The following LPIN2 variants were observed in gnomAD, a reference collection of about 807,000 sequenced individuals.
LPIN2 encodes phosphatidate phosphatase LPIN2.
A neutral mutation model predicts 111.4 loss-of-function variants in LPIN2; 55 were observed. The ratio of observed to expected loss-of-function variants is 0.49; its 90% confidence interval spans 0.40 to 0.62. The LOEUF is 0.62. Ranked by LOEUF, LPIN2 falls within the 20% of genes least tolerant of loss-of-function variation. LPIN2 has a pLI of 0.00. For synonymous variants in LPIN2, 425 were observed against 414.0 expected (o/e 1.03, Z -0.32); for missense variants, 992 against 1,112.1 (o/e 0.89, Z 1.54).
intron 1 of LPIN2, chr18:2,985,552 G>C (rs1396963990): frequency 1.3e-5 from 2 of 151,884 alleles, no homozygotes; most frequent in Non-Finnish European, 2.9e-5. Flanking sequence ...TGCTAGTTAG[G>C]AAAAACAGAA....
chr18:2,974,417 T>TG (rs1405125028), intron 1 of LPIN2, among the ~76,000 whole-genome samples: 1 of 152,206 alleles, frequency 6.6e-6, no homozygotes, highest in Non-Finnish European at 1.5e-5. Flanking sequence ...TCAGTGTCCT[T>TG]GGGGGAGCCT....
chr18:2,930,962 A>T (rs1303981592), intron 9 of LPIN2, among the ~76,000 whole-genome samples: 3 of 152,184 alleles, frequency 2.0e-5, no homozygotes, highest in Non-Finnish European at 4.4e-5. Context: ...AAACTGGTGC[A>T]GTGTGATGAT....
intron 11 of LPIN2, 97 bp from the exon 12 acceptor site, chr18:2,927,908 G>C (rs1251473454): frequency 1.0e-6 from 1 of 983,274 alleles, no homozygotes; most frequent in Non-Finnish European, 1.6e-6. Flanking sequence ...ACTATGGAAT[G>C]TGAGAACGTG....
Position 2,951,076 on chromosome 18 carries a change from T to A in LPIN2, c.569A>T (p.Asp190Val). Residue 190 changes from aspartate (D) to valine (V), a missense_variant, in exon 4 of 20, where the codon GAC (aspartate) becomes GTC (valine). Asp to Val is a radical substitution (Grantham distance 152, BLOSUM62 -3). Transcript: ENST00000677752. ...CTACCGTGCTGCCTGGGCCCCCTTG[T>A]CATCATCGGAGCTCACGCCTACATC... The part of the protein sequence containing the change: ...TCDVGVSSDD[D>V]KGAQAARGSS... The A allele has an allele frequency of 6.2e-7, 1 of 1,614,172 alleles. No individual in the cohort carries two copies. The highest frequency in any genetic ancestry group is 8.5e-7 in the Non-Finnish European group (1 of 1,180,042).
At chr18:2,959,177 A>G (rs981968208) in intron 2 of LPIN2, among the ~76,000 whole-genome samples, 3 of 152,184 alleles carry the variant, frequency 2.0e-5, no homozygotes, top group Non-Finnish European at 2.9e-5. Context: ...CTAAAGGGTG[A>G]CTCTGAACAG....
intron 1 of LPIN2, among the ~76,000 whole-genome samples, chr18:2,975,652 G>A (rs1054641043): frequency 6.6e-6 from 1 of 152,090 alleles, no homozygotes; most frequent in African/African-American, 2.4e-5. Flanking sequence ...TTACAGATAC[G>A]ATTACGTTAT....
At chr18:2,944,331 A>C (rs1346847808) in intron 4 of LPIN2, among the ~76,000 whole-genome samples, 3 of 126,732 alleles carry the variant, frequency 2.4e-5, no homozygotes, top group Non-Finnish European at 4.9e-5. Flanking sequence ...TATTTCCACA[A>C]ACTTTTTTTT....
intron 2 of LPIN2, 122 bp from the exon 3 acceptor site, chr18:2,954,721 C>A (rs2077583872): frequency 6.6e-6 from 5 of 754,836 alleles, no homozygotes; most frequent in Non-Finnish European, 1.2e-5. Context: ...GAACTACAGC[C>A]TCTGAGAAAC....
intron 1 of LPIN2, among the ~76,000 whole-genome samples, chr18:2,962,512 T>TA (rs1214666538): frequency 2.6e-5 from 4 of 152,000 alleles, no homozygotes; most frequent in African/African-American, 9.7e-5. Context: ...TAAATGAGAC[T>TA]AAAAAAATAA....
At chr18:2,967,486 G>A (rs963651366) in intron 1 of LPIN2, 2 of 152,296 alleles carry the variant, frequency 1.3e-5, no homozygotes, top group Admixed American at 6.5e-5. Context: ...CCCCGGTCAG[G>A]GAGGGCAGGG....
At chr18:2,953,865 C>T (rs1045500315) in intron 3 of LPIN2, among the ~76,000 whole-genome samples, 9 of 151,980 alleles carry the variant, frequency 5.9e-5, no homozygotes, top group African/African-American at 2.2e-4. Flanking sequence ...TAAAAAGATC[C>T]ACATTGAATC....
chr18:2,918,395 A>C lies in LPIN2; in HGVS notation c.*1898T>G, dbSNP rs2077000464. The C allele has an allele frequency of 1.3e-5, 2 of 152,330 alleles. 1 individual carries two copies. Among genetic ancestry groups the C allele is most frequent in the South Asian group, 4.1e-4 (2 of 4,828 alleles). 9.4% of individuals were successfully genotyped at this position (152,330 alleles called of 1,614,324 possible). Reference sequence around the variant, plus strand: ...TACTATAAGCTCAGTTAAACACACAAAGCTCTCATTCTTCCTCTAAATAGA... The same window carrying C: ...TACTATAAGCTCAGTTAAACACACACAGCTCTCATTCTTCCTCTAAATAGA... On this transcript the variant is annotated 3_prime_UTR_variant, in exon 20 of 20. Coordinates refer to ENST00000677752, the MANE Select transcript of LPIN2 (RefSeq NM_001375808.2).
At chr18:2,922,575 C>G (rs1009796108) in intron 16 of LPIN2, among the ~76,000 whole-genome samples, 4 of 152,222 alleles carry the variant, frequency 2.6e-5, no homozygotes, top group African/African-American at 9.6e-5. Flanking sequence ...CCATGCTCAA[C>G]CCATACTTTT....
rs745340281 is a variant in LPIN2 at position 2,921,099 on chromosome 18, C to G, written c.2443-218G>C. On this transcript the variant is annotated intron_variant, in intron 18 of 19. Coordinates refer to ENST00000677752, the MANE Select transcript of LPIN2 (RefSeq NM_001375808.2). ...AACTTGGGCAGCCACCAAGGGGAAGCCAGGGTCCCTGGCGCAGAAGAGGCC... is the reference window on the plus strand; with the variant it reads ...AACTTGGGCAGCCACCAAGGGGAAGGCAGGGTCCCTGGCGCAGAAGAGGCC... 160 of 612,238 alleles carry G rather than the reference C, an allele frequency of 2.6e-4. 2 individuals are homozygous for G. The highest frequency in any genetic ancestry group is 2.1e-3 in the South Asian group (114 of 53,706). 37.9% of individuals were successfully genotyped at this position (612,238 alleles called of 1,614,324 possible).
At chr18:3,005,362 A>G (rs889198757) in intron 1 of LPIN2, among the ~76,000 whole-genome samples, 2 of 151,804 alleles carry the variant, frequency 1.3e-5, no homozygotes, top group Non-Finnish European at 2.9e-5. Context: ...AAAAAAAAAA[A>G]AGAAAAAGAA....
At chr18:2,929,469 A>C (rs1568523069) in intron 9 of LPIN2, among the ~76,000 whole-genome samples, 7 of 152,082 alleles carry the variant, frequency 4.6e-5, no homozygotes. Flanking sequence ...CAGACACAGA[A>C]AGACAGACAG....
intron 2 of LPIN2, among the ~76,000 whole-genome samples, chr18:2,958,162 A>AAAAAAAAAAAAAAAAAAAT (rs2077647983): frequency 6.5e-5 from 1 of 15,328 alleles, no homozygotes; most frequent in Non-Finnish European, 1.5e-4. Context: ...AAAAAACAAC[A>AAAAAAAAAAAAAAAAAAAT]AAAAAAAAAA....
chr18:3,012,752 C>T (rs1273639782), intron 1 of LPIN2, among the ~76,000 whole-genome samples: 1 of 152,070 alleles, frequency 6.6e-6, no homozygotes, highest in Non-Finnish European at 1.5e-5. Flanking sequence ...CCCAGGGCGG[C>T]GGCGAGGGAA....
chr18:2,920,142 C>G lies in LPIN2; in HGVS notation c.*151G>C. ...AGACCTGCCGAGCCTGAGCAGCTGG[C>G]CTGGGAAGGCAAAGGAGGATGGCGG... On this transcript the variant is annotated 3_prime_UTR_variant, in exon 20 of 20. Transcript: ENST00000677752. 9.7e-7 allele frequency: 1 copy of G among 1,030,780 alleles called. No homozygotes were observed. The highest frequency in any genetic ancestry group is 2.0e-5 in the Admixed American group (1 of 50,890). 63.9% of individuals were successfully genotyped at this position (1,030,780 alleles called of 1,614,324 possible).
Sources: gnomAD v4.1 joint callset for allele counts (sites outside exome capture counted in the v4.1 genomes callset) on GRCh38, gnomAD v4.1.1 for gene constraint, MANE v1.5 for transcripts, NCBI Gene and HGNC (gene_info 2026-07-23, HGNC 2026-07-21) for gene names.